Variants in LINGO2 observed in about 807,000 individuals in gnomAD.
LINGO2 encodes the protein leucine rich repeat and Ig domain containing 2, also known as leucine-rich repeat and immunoglobulin-like domain-containing nogo receptor-interacting protein 2.
A neutral mutation model predicts 30.6 loss-of-function variants in LINGO2; 14 were observed. That is an observed-to-expected ratio of 0.46 (90% CI 0.30 to 0.72). The LOEUF (loss-of-function observed/expected upper bound fraction) is 0.72. Among genes scored for constraint, LINGO2 ranks in the 30% least tolerant of loss-of-function variants. The pLI, the probability that LINGO2 is intolerant of heterozygous loss-of-function variation, is 0.07. For missense variants in LINGO2, 729 were observed against 751.7 expected (o/e 0.97, Z 0.35); for synonymous variants, 317 against 288.5 (o/e 1.10, Z -1.00).
At chr9:28,005,359 A>AT (rs1480524615) in intron 5 of LINGO2, among the ~76,000 whole-genome samples, 1 of 152,174 alleles carries the variant, frequency 6.6e-6, no homozygotes, top group Non-Finnish European at 1.5e-5. Context: ...ATCATATGTG[A>AT]TTCCCAACTT....
At chr9:28,766,870 T>G in the LINGO2 span, among the ~76,000 whole-genome samples, 86 of 145,516 alleles carry the variant, frequency 5.9e-4, no homozygotes, top group African/African-American at 2.3e-3. Flanking sequence ...AAGAGAGAGA[T>G]ATCCTGCCAT....
intron 1 of LINGO2, among the ~76,000 whole-genome samples, chr9:28,543,356 T>C (rs976395163): frequency 1.3e-5 from 2 of 152,132 alleles, no homozygotes; most frequent in Non-Finnish European, 2.9e-5. Context: ...GTCTACTTGT[T>C]ACCCCTTTTT....
At chr9:28,430,098 G>GCA (rs1564193925) in intron 2 of LINGO2, among the ~76,000 whole-genome samples, 6 of 22,786 alleles carry the variant, frequency 2.6e-4, no homozygotes, top group Non-Finnish European at 6.4e-4. Context: ...TGATTTCCAC[G>GCA]CGCGCGCGCG....
At chr9:28,558,848 G>A (rs1822890443) in intron 1 of LINGO2, among the ~76,000 whole-genome samples, 1 of 151,636 alleles carries the variant, frequency 6.6e-6, no homozygotes, top group South Asian at 2.1e-4. Flanking sequence ...ACTCTTACTG[G>A]TCTATTGCAT....
At chr9:28,682,539 T>G in the LINGO2 span, among the ~76,000 whole-genome samples, 4 of 152,106 alleles carry the variant, frequency 2.6e-5, no homozygotes. Context: ...TTCCTAAGAC[T>G]TTTTTATATC....
the LINGO2 span, among the ~76,000 whole-genome samples, chr9:28,944,760 A>G: frequency 3.3e-5 from 5 of 152,248 alleles, no homozygotes; most frequent in Non-Finnish European, 5.9e-5. Flanking sequence ...CTTAATCACT[A>G]ATAATTGATT....
At chr9:28,408,287 C>A (rs1325032238) in intron 2 of LINGO2, among the ~76,000 whole-genome samples, 1 of 152,114 alleles carries the variant, frequency 6.6e-6, no homozygotes, top group Non-Finnish European at 1.5e-5. Flanking sequence ...ACTGAGATCA[C>A]TTTACAGAGC....
At chr9:28,586,990 T>A (rs1322020347) in intron 1 of LINGO2, among the ~76,000 whole-genome samples, 1 of 152,068 alleles carries the variant, frequency 6.6e-6, no homozygotes, top group Non-Finnish European at 1.5e-5. Context: ...CTGTTTCTTC[T>A]CTAACTTGAA....
chr9:28,416,161 T>G (rs182211062), intron 2 of LINGO2, among the ~76,000 whole-genome samples: 1 of 152,160 alleles, frequency 6.6e-6, no homozygotes, highest in Non-Finnish European at 1.5e-5. Context: ...ATAGCAGATA[T>G]GTAAACAATC....
intron 4 of LINGO2, among the ~76,000 whole-genome samples, chr9:28,264,297 T>C (rs950490636): frequency 6.6e-6 from 1 of 151,682 alleles, no homozygotes; most frequent in African/African-American, 2.4e-5. Context: ...ATAACGTAGG[T>C]TCCAGGAAAA....
the LINGO2 span, among the ~76,000 whole-genome samples, chr9:28,720,931 T>C: frequency 2.6e-5 from 4 of 152,042 alleles, no homozygotes; most frequent in Non-Finnish European, 5.9e-5. Flanking sequence ...ACTGGAGTGT[T>C]GTCTCTCAGG....
chr9:29,056,326 T>C, the LINGO2 span, among the ~76,000 whole-genome samples: 1 of 152,212 alleles, frequency 6.6e-6, no homozygotes, highest in African/African-American at 2.4e-5. Context: ...ACTGTAGTTT[T>C]GATTTGCATT....
Position 28,653,635 on chromosome 9 carries a change from T to C in LINGO2, c.-365+16565A>G, listed in dbSNP as rs77801518. On this transcript the variant is annotated intron_variant, in intron 1 of 5. Coordinates refer to ENST00000379992, the Ensembl canonical transcript of LINGO2. ...GAAAGAAATGTGATAATGAGAAGAATTGATGCAAGGAAACCAACACAATAT... is the reference window on the plus strand; with the variant it reads ...GAAAGAAATGTGATAATGAGAAGAACTGATGCAAGGAAACCAACACAATAT... Among the ~76,000 whole-genome samples, 567 of 152,242 alleles carry C rather than the reference T, an allele frequency of 3.7e-3. 5 individuals carry two copies. The highest frequency in any genetic ancestry group is 0.022 in the East Asian group (115 of 5,182).
intron 3 of LINGO2, among the ~76,000 whole-genome samples, chr9:28,296,868 A>G (rs926726936): frequency 6.6e-6 from 1 of 152,196 alleles, no homozygotes; most frequent in Non-Finnish European, 1.5e-5. Context: ...ACCTCAGTCA[A>G]CTTCTAGATG....
rs571229446 is a variant in LINGO2 at position 28,549,614 on chromosome 9, T to C, written c.-364-73589A>G. ...TGCCACTGAACTATGTCCTTACCAA[T>C]AATGGGTATTATCATGTGTAATATT... On this transcript the variant is annotated intron_variant, in intron 1 of 5. Transcript: ENST00000379992. 3.9e-5 allele frequency among the ~76,000 whole-genome samples: 6 copies of C among 152,148 alleles called. No homozygotes were observed. The East Asian group carries it at 1.2e-3, about 29-fold the overall frequency.
chr9:28,111,092 T>C (rs1037227475), intron 4 of LINGO2, among the ~76,000 whole-genome samples: 1 of 152,120 alleles, frequency 6.6e-6, no homozygotes, highest in African/African-American at 2.4e-5. Context: ...TGCATGGACA[T>C]GGATGAAGCT....
At chr9:28,852,153 T>C in the LINGO2 span, among the ~76,000 whole-genome samples, 1 of 151,996 alleles carries the variant, frequency 6.6e-6, no homozygotes, top group Non-Finnish European at 1.5e-5. Flanking sequence ...TTAACTTTAA[T>C]GGATAGGGGA....
At chr9:28,207,668 G>C (rs566516961) in intron 4 of LINGO2, among the ~76,000 whole-genome samples, 9 of 152,090 alleles carry the variant, frequency 5.9e-5, no homozygotes, top group Admixed American at 2.6e-4. Flanking sequence ...AGGTACCTAC[G>C]TTTGAAGTTT....
chr9:28,825,323 T>C, the LINGO2 span, among the ~76,000 whole-genome samples: 1 of 151,766 alleles, frequency 6.6e-6, no homozygotes, highest in African/African-American at 2.4e-5. Flanking sequence ...AGAGAAGAAA[T>C]GAGTAGACAG....
Sources: allele counts gnomAD v4.1 joint callset (sites outside exome capture counted in the v4.1 genomes callset), GRCh38; gene constraint gnomAD v4.1.1; transcripts MANE v1.5; gene names NCBI Gene and HGNC (gene_info 2026-07-23, HGNC 2026-07-21).